Variants in EPM2A observed in about 807,000 individuals in gnomAD.
EPM2A encodes the protein laforin.
EPM2A carries 21 observed loss-of-function variants against 26.5 expected under a neutral mutation model. The ratio of observed to expected loss-of-function variants is 0.79; its 90% CI spans 0.56 to 1.14. The LOEUF is 1.14. Ranked by LOEUF, EPM2A falls within the 50% of genes most tolerant of loss-of-function variation. The pLI is 0.00. For missense variants in EPM2A, 458 were observed against 440.8 expected (o/e 1.04, Z -0.35); for synonymous variants, 217 against 177.6 (o/e 1.22, Z -1.76).
chr6:145,633,321 A>T (rs573165191), intron 3 of EPM2A, among the ~76,000 whole-genome samples: 14 of 152,336 alleles, frequency 9.2e-5, no homozygotes, highest in South Asian at 2.1e-4. Flanking sequence ...TCAAATCCTA[A>T]CTATCTTCTC....
intron 2 of EPM2A, among the ~76,000 whole-genome samples, chr6:145,551,135 T>C (rs1235474572): frequency 6.6e-6 from 1 of 152,054 alleles, no homozygotes; most frequent in Non-Finnish European, 1.5e-5. Flanking sequence ...TTGATTTCTG[T>C]TTTCAATGAT....
intron 4 of EPM2A, chr6:145,463,142 C>T (rs1297834191): frequency 6.6e-6 from 1 of 152,084 alleles, no homozygotes; most frequent in Non-Finnish European, 1.5e-5. Context: ...AGTAAGTAGG[C>T]TGCAATTCAT....
At chr6:145,687,162 G>T (rs116081577) in intron 1 of EPM2A, among the ~76,000 whole-genome samples, 262 of 152,274 alleles carry the variant, frequency 1.7e-3, no homozygotes, top group African/African-American at 5.9e-3. Flanking sequence ...AGAAGCTGGG[G>T]CCTTTAGGAG....
chr6:145,390,563 T>TTCTC (rs61299104), intron 4 of EPM2A, among the ~76,000 whole-genome samples: 132 of 148,626 alleles, frequency 8.9e-4, no homozygotes, highest in Middle Eastern at 7.1e-3. Context: ...TGCATGCACA[T>TTCTC]TCTCTCTCTC....
chr6:145,668,096 A>G lies in EPM2A; in HGVS notation c.476+18026T>C, dbSNP rs966323587. Among the ~76,000 whole-genome samples, 103 of 150,832 alleles carry G rather than the reference A, an allele frequency of 6.8e-4. 1 individual carries two copies. Among genetic ancestry groups the G allele is most frequent in the Non-Finnish European group, 1.6e-4 (11 of 67,716 alleles). ...GAGTTAGTGGGTGCAGCGCACCAGC[A>G]TGGCACATGTATACATATGTAACTA... On this transcript the variant is annotated intron_variant, in intron 2 of 3. Transcript: ENST00000367519.
intron 1 of EPM2A, among the ~76,000 whole-genome samples, chr6:145,731,315 A>T (rs1294472020): frequency 1.3e-5 from 2 of 152,204 alleles, no homozygotes; most frequent in African/African-American, 4.8e-5. Context: ...AAACCACCAC[A>T]GCTACCCCTA....
chr6:145,509,124 C>A (rs1288640293), intron 2 of EPM2A, among the ~76,000 whole-genome samples: 1 of 152,016 alleles, frequency 6.6e-6, no homozygotes, highest in Non-Finnish European at 1.5e-5. Flanking sequence ...TGTTGGCATT[C>A]CTGAGAGAGA....
rs1180396355 is a variant in EPM2A at position 145,627,191 on chromosome 6, C to T, written c.*225G>A. 3.5e-6 allele frequency: 5 copies of T among 1,426,956 alleles called. No individual in the cohort carries two copies. Among genetic ancestry groups the T allele is most frequent in the South Asian group, 1.5e-5 (1 of 67,486 alleles). The allele number at this position is 1,426,956 out of a possible 1,614,324, so 88.4% of individuals were successfully genotyped here. A position where few individuals can be genotyped will look rare whatever the true frequency, so the allele number is the denominator to read the frequency against. ...TGTCTGATGTACAGCCTAACTGCTTCGTGCTTCTTCTCATGTGTTGAGCCA... is the reference window on the plus strand; with the variant it reads ...TGTCTGATGTACAGCCTAACTGCTTTGTGCTTCTTCTCATGTGTTGAGCCA... On this transcript the variant is annotated 3_prime_UTR_variant, in exon 4 of 4. Coordinates refer to ENST00000367519, the MANE Select transcript of EPM2A (RefSeq NM_005670.4).
chr6:145,611,359 C>T (rs1775387982), intron 2 of EPM2A, among the ~76,000 whole-genome samples: 1 of 151,834 alleles, frequency 6.6e-6, no homozygotes, highest in Non-Finnish European at 1.5e-5. Flanking sequence ...CTTCTGCTTG[C>T]CAGTAATTAT....
Position 145,667,400 on chromosome 6 carries a change from A to G in EPM2A, c.476+18722T>C, listed in dbSNP as rs1412998551. Reference sequence around the variant, plus strand: ...AAAAGAAGATATTTATGCAGCCAAAAAACACATGAAAAAATGCTCATCATC... The same window carrying G: ...AAAAGAAGATATTTATGCAGCCAAAGAACACATGAAAAAATGCTCATCATC... On this transcript the variant is annotated intron_variant, in intron 2 of 3. Coordinates refer to ENST00000367519, the MANE Select transcript of EPM2A (RefSeq NM_005670.4). Among the ~76,000 whole-genome samples, 14 of 146,386 alleles carry G rather than the reference A, an allele frequency of 9.6e-5. No individual in the cohort carries two copies. In the East Asian group the frequency reaches 2.8e-3, roughly 29 times the overall value.
chr6:145,673,059 A>G (rs1779763471), intron 2 of EPM2A, among the ~76,000 whole-genome samples: 1 of 152,190 alleles, frequency 6.6e-6, no homozygotes. Context: ...CAAACCGAAG[A>G]GAAAAAAATA....
chr6:145,660,628 C>G (rs971436299), intron 2 of EPM2A, among the ~76,000 whole-genome samples: 2 of 152,070 alleles, frequency 1.3e-5, no homozygotes, highest in Non-Finnish European at 2.9e-5. Context: ...ATGATGAAAC[C>G]CTGTTTCCAC....
intron 4 of EPM2A, among the ~76,000 whole-genome samples, chr6:145,488,872 C>A (rs1779719155): frequency 6.6e-6 from 1 of 152,032 alleles, no homozygotes; most frequent in Non-Finnish European, 1.5e-5. Context: ...ACTTCGGCTG[C>A]CATTAAATAA....
intron 2 of EPM2A, among the ~76,000 whole-genome samples, chr6:145,647,921 T>C (rs1354819660): frequency 6.6e-6 from 1 of 152,228 alleles, no homozygotes; most frequent in African/African-American, 2.4e-5. Flanking sequence ...ATAACAATTT[T>C]CTCTGCAGAC....
chr6:145,534,044 A>G (rs780067246), intron 2 of EPM2A, among the ~76,000 whole-genome samples: 24 of 151,826 alleles, frequency 1.6e-4, no homozygotes, highest in Non-Finnish European at 2.5e-4. Flanking sequence ...AAATTAAACT[A>G]TAAAATTTGT....
chr6:145,548,346 CAAATAAGAA>C (rs1419022598), intron 2 of EPM2A, among the ~76,000 whole-genome samples: 2 of 151,980 alleles, frequency 1.3e-5, no homozygotes, highest in African/African-American at 4.8e-5. Context: ...ATTAAGAGCC[CAAATAAGAA>C]AAGTATTACT....
At chr6:145,678,453 T>C (rs934209838) in intron 2 of EPM2A, among the ~76,000 whole-genome samples, 2 of 151,970 alleles carry the variant, frequency 1.3e-5, no homozygotes, top group South Asian at 2.1e-4. Flanking sequence ...TCCATCAGAG[T>C]GAACAGGAAA....
chr6:145,576,439 C>CA (rs66601885), intron 2 of EPM2A, among the ~76,000 whole-genome samples: 73,188 of 151,986 alleles, frequency 0.48, 18,514 homozygotes, highest in African/African-American at 0.63. Flanking sequence ...GTAATTTATG[C>CA]ATATCACAAA....
intron 4 of EPM2A, chr6:145,492,236 C>G (rs572704250): frequency 1.1e-5 from 2 of 182,646 alleles, no homozygotes; most frequent in African/African-American, 4.8e-5. Context: ...TTCACTCACT[C>G]GAACCCACTG....
Sources: gnomAD v4.1 joint callset for allele counts (sites outside exome capture counted in the v4.1 genomes callset) on GRCh38, gnomAD v4.1.1 for gene constraint, MANE v1.5 for transcripts, NCBI Gene and HGNC (gene_info 2026-07-23, HGNC 2026-07-21) for gene names.